The following UBASH3A variants were observed in gnomAD, a reference collection of about 807,000 sequenced individuals.
UBASH3A encodes the protein ubiquitin-associated and SH3 domain-containing protein A.
A neutral mutation model predicts 73.5 loss-of-function variants in UBASH3A; 63 were observed. The ratio of observed to expected loss-of-function variants is 0.86; its 90% CI spans 0.70 to 1.06. UBASH3A has a LOEUF of 1.06. Among genes scored for constraint, UBASH3A ranks in the 50% least tolerant of loss-of-function variants. UBASH3A has a pLI of 0.00. For synonymous variants in UBASH3A, 363 were observed against 351.1 expected (o/e 1.03, Z -0.38); for missense variants, 860 against 859.0 (o/e 1.00, Z -0.02).
intron 10 of UBASH3A, chr21:42,435,609 T>C (rs1017718437): frequency 6.6e-6 from 1 of 151,356 alleles, no homozygotes; most frequent in Admixed American, 6.6e-5. Flanking sequence ...CATGGAGTTA[T>C]AGAGTTAGTT....
chr21:42,420,680 G>A (rs1220961468), intron 7 of UBASH3A, among the ~76,000 whole-genome samples: 3 of 152,198 alleles, frequency 2.0e-5, no homozygotes, highest in African/African-American at 7.2e-5. Context: ...TTGTCCACAT[G>A]TGGCAGTTGG....
At position 42,444,613 on chromosome 21, in the gene UBASH3A, A is replaced by T; in HGVS notation, c.1818A>T (p.Glu606Asp). ...CACTGCTCGGGCTGCCGCCCCGGGA[A>T]TGTGGGGATTTTGCCCAACTCGTGA... is the stretch of plus-strand genomic sequence containing the variant. ...TRPLLGLPPR[E>D]CGDFAQLVRK... is the part of the protein sequence containing the mutation. The change falls in exon 14 of 15, where the codon GAA becomes GAT. Residue 606 changes from glutamate (E) to aspartate (D), a missense_variant. By Grantham distance (45) the Glu-to-Asp change is conservative (BLOSUM62 2). Transcript: ENST00000319294. 6.2e-7 allele frequency: 1 copy of T among 1,614,194 alleles called. No individual in the cohort carries two copies. Among genetic ancestry groups the T allele is most frequent in the Non-Finnish European group, 8.5e-7 (1 of 1,180,002 alleles).
intron 11 of UBASH3A, 157 bp downstream of exon 11, chr21:42,437,737 G>T (rs769370357): frequency 1.6e-4 from 110 of 680,696 alleles, no homozygotes; most frequent in South Asian, 3.5e-4. Flanking sequence ...CAAGGATGCT[G>T]GCAGGCATGC....
intron 8 of UBASH3A, among the ~76,000 whole-genome samples, chr21:42,431,157 G>C (rs2053521631): frequency 6.6e-6 from 1 of 152,214 alleles, no homozygotes; most frequent in Non-Finnish European, 1.5e-5. Context: ...TTTGCTGTGG[G>C]TTCCTCTCAA....
intron 8 of UBASH3A, among the ~76,000 whole-genome samples, chr21:42,427,939 A>C: frequency 6.6e-6 from 1 of 152,214 alleles, no homozygotes; most frequent in East Asian, 1.9e-4. Context: ...CCTAACCCCC[A>C]GTCTCACTGA....
Position 42,442,537 on chromosome 21 carries a change from A to G in UBASH3A, c.1572A>G (p.Pro524=), listed in dbSNP as rs1304340518. Residue 524 remains proline, a synonymous_variant, in exon 12 of 15, where the codon CCA becomes CCG. Coordinates refer to ENST00000319294, the MANE Select transcript of UBASH3A (RefSeq NM_018961.4). ...AATGGGAAGCTGGCAAAACCACCCC[A>G]ACCCTCATGAGCCTGGAAGAGCTGA... The part of the protein sequence containing the change: ...WTKWEAGKTT[P]TLMSLEELKE... 1 of 1,614,214 alleles carries G rather than the reference A, an allele frequency of 6.2e-7. No homozygotes were observed. The highest frequency in any genetic ancestry group is 2.2e-5 in the East Asian group (1 of 44,882).
chr21:42,414,120 T>C (rs1372314914), intron 5 of UBASH3A, among the ~76,000 whole-genome samples: 4 of 152,172 alleles, frequency 2.6e-5, no homozygotes. Flanking sequence ...CAGAAGGCAC[T>C]CAGTATTGCT....
intron 9 of UBASH3A, 64 bp from the exon 10 acceptor site, chr21:42,434,768 T>A: frequency 1.3e-6 from 2 of 1,542,526 alleles, no homozygotes; most frequent in Non-Finnish European, 1.8e-6. Context: ...GTCTTGGGAG[T>A]TTTGTGGAAC....
chr21:42,437,655 G>A (rs1223104550), intron 11 of UBASH3A, 75 bp downstream of exon 11: 4 of 1,343,880 alleles, frequency 3.0e-6, no homozygotes, highest in East Asian at 4.6e-5. Context: ...TGGGAAGGGA[G>A]TGGAGGTGGA....
At chr21:42,405,390 G>A (rs7283273) in intron 1 of UBASH3A, among the ~76,000 whole-genome samples, 10,158 of 152,280 alleles carry the variant, frequency 0.067, 469 homozygotes, top group Middle Eastern at 0.13. Context: ...AGGAGTCCAC[G>A]CTGGATTTTA....
intron 11 of UBASH3A, among the ~76,000 whole-genome samples, chr21:42,438,216 G>C (rs374717950): frequency 6.6e-6 from 1 of 152,210 alleles, no homozygotes; most frequent in African/African-American, 2.4e-5. Context: ...ACATGCGAGA[G>C]AGCATGTCGC....
chr21:42,434,707 A>G, intron 9 of UBASH3A, 125 bp from the exon 10 acceptor site: 1 of 1,113,636 alleles, frequency 9.0e-7, no homozygotes, highest in Non-Finnish European at 1.3e-6. Flanking sequence ...TTCAGAAACA[A>G]CACAGTTGAC....
rs765648470 is a variant in UBASH3A at position 42,409,493 on chromosome 21, C to T, written c.239C>T (p.Pro80Leu). ...CAGGAGTATGCCCTTTTCCTCTGTC[C>T]AACGGGGCCCCTGCTGGAAAAACTT... ...IPQEYALFLCPTGPLLEKLQE... is the reference protein window; with the variant it reads ...IPQEYALFLCLTGPLLEKLQE... The change falls in exon 3 of 15, where the codon CCA becomes CTA. Residue 80 changes from proline (P) to leucine (L), a missense_variant. By Grantham distance (98) the Pro-to-Leu change is moderately conservative. Transcript: ENST00000319294. The T allele has an allele frequency of 6.2e-7, 1 of 1,614,126 alleles. No homozygotes were observed. Among genetic ancestry groups the T allele is most frequent in the South Asian group, 1.1e-5 (1 of 91,080 alleles).
chr21:42,444,649 C>A lies in UBASH3A; in HGVS notation c.1848+6C>A. The A allele has an allele frequency of 1.2e-6, 2 of 1,604,954 alleles. No individual in the cohort carries two copies. The highest frequency in any genetic ancestry group is 1.7e-6 in the Non-Finnish European group (2 of 1,171,630). On this transcript the variant is annotated splice_donor_region_variant and intron_variant, in intron 14 of 14. Coordinates refer to ENST00000319294, the MANE Select transcript of UBASH3A (RefSeq NM_018961.4). ...TTGCCCAACTCGTGAGAAAGGTACG[C>A]GCCCACTCTTGGCTCTTTGGGCCAC...
At position 42,409,408 on chromosome 21, in the gene UBASH3A, G is replaced by A. The variant is rs769550805; in HGVS notation, c.168-14G>A. 9 of 1,539,200 alleles carry A rather than the reference G, an allele frequency of 5.8e-6. No homozygotes were observed. The Admixed American group carries it at 1.9e-4, about 33-fold the overall frequency. On this transcript the variant is annotated splice_polypyrimidine_tract_variant and intron_variant, in intron 2 of 14. Coordinates refer to ENST00000319294, the MANE Select transcript of UBASH3A (RefSeq NM_018961.4). ...TTGTGACAGTGGGTGATGCCGGCTT[G>A]CTCTCTGTTGCAGGCTGCATGATCA...
chr21:42,413,815 C>A lies in UBASH3A; in HGVS notation c.667+292C>A, dbSNP rs2053149879. Among the ~76,000 whole-genome samples the A allele has an allele frequency of 6.6e-6, 1 of 152,132 alleles. No individual in the cohort carries two copies. The highest frequency in any genetic ancestry group is 2.4e-5 in the African/African-American group (1 of 41,410). ...GAGCTTAGTGCTCTCTCCTTGGCCTCTCCAGGGAAAGATTATTTAGACTCA... is the reference window on the plus strand; with the variant it reads ...GAGCTTAGTGCTCTCTCCTTGGCCTATCCAGGGAAAGATTATTTAGACTCA... On this transcript the variant is annotated intron_variant, in intron 5 of 14. Transcript: ENST00000319294. This position sits in a 1 kb window ranked among gnomAD's most constrained non-coding sequence, Gnocchi z 4.5.
rs1463791494 is a variant in UBASH3A, at chr21:42,445,604, C to T, written c.1848+961C>T. On this transcript the variant is annotated intron_variant, in intron 14 of 14. Coordinates refer to ENST00000319294, the MANE Select transcript of UBASH3A (RefSeq NM_018961.4). The stretch of plus-strand genomic sequence containing the variant: ...CTTAGCTCTCTAGCTACGCCTGCCT[C>T]AGCAGCCAGATGAGAGGTTACGCAC... Among the ~76,000 whole-genome samples the T allele has an allele frequency of 2.0e-5, 3 of 152,234 alleles. No individual in the cohort carries two copies. In the East Asian group the frequency reaches 5.8e-4, roughly 29 times the overall value.
intron 7 of UBASH3A, among the ~76,000 whole-genome samples, chr21:42,425,255 T>G (rs1353558539): frequency 1.3e-5 from 2 of 152,252 alleles, no homozygotes; most frequent in Non-Finnish European, 2.9e-5. Context: ...TCTTTCTCCT[T>G]CCGTCACCCA....
chr21:42,437,638 AG>A (rs1327182947), intron 11 of UBASH3A, 58 bp downstream of exon 11: 2 of 1,485,108 alleles, frequency 1.3e-6, no homozygotes, highest in African/African-American at 2.8e-5. Flanking sequence ...CTATTCTCCA[AG>A]GGGAGTGGGA....
Sources: allele counts gnomAD v4.1 joint callset (sites outside exome capture counted in the v4.1 genomes callset), GRCh38; gene constraint gnomAD v4.1.1; non-coding constraint Gnocchi (gnomAD v3.1); transcripts MANE v1.5; gene names NCBI Gene and HGNC (gene_info 2026-07-23, HGNC 2026-07-21).